PKHD1: variants seen among roughly 807,000 people sequenced by gnomAD.
The protein encoded by PKHD1 is fibrocystin.
A neutral mutation model predicts 412.0 loss-of-function variants in PKHD1; 291 were observed. The observed-to-expected ratio is 0.71, with a 90% CI of 0.64 to 0.78. The LOEUF (loss-of-function observed/expected upper bound fraction) is 0.78. Among genes scored for constraint, PKHD1 ranks in the 30% least tolerant of loss-of-function variants. PKHD1 has a pLI of 0.00. For synonymous variants in PKHD1, 1,777 were observed against 1,821.5 expected (o/e 0.98, Z 0.62); for missense variants, 4,825 against 4,950.7 (o/e 0.97, Z 0.76).
In PKHD1 at chr6:51,616,719, T is replaced by A. The variant is rs1279506493; in HGVS notation, c.*2362A>T. On this transcript the variant is annotated 3_prime_UTR_variant, in exon 67 of 67. Transcript: ENST00000371117. ...CTTTTCTGGGATGGAATTAGTAAGA[T>A]AATTATGGTTATTCCTACGCAGAGG... 2.5e-5 allele frequency: 10 copies of A among 398,276 alleles called. No homozygotes were observed. The highest frequency in any genetic ancestry group is 4.4e-5 in the Non-Finnish European group (10 of 225,956). The allele number at this position is 398,276 out of a possible 1,614,324, so 24.7% of individuals were successfully genotyped here. A position where few individuals can be genotyped will look rare whatever the true frequency, so the allele number is the denominator to read the frequency against.
chr6:51,854,953 G>A (rs6918817), intron 49 of PKHD1, among the ~76,000 whole-genome samples: 61,268 of 152,120 alleles, frequency 0.4, 13,539 homozygotes, highest in East Asian at 0.85. Flanking sequence ...AGCCAGTGCT[G>A]GTCGCCCCTC....
At chr6:51,779,984 G>A (rs1294601353) in intron 53 of PKHD1, among the ~76,000 whole-genome samples, 2 of 152,032 alleles carry the variant, frequency 1.3e-5, no homozygotes, top group Admixed American at 1.3e-4. Flanking sequence ...GAATTATACA[G>A]CATTTGTTTT....
chr6:51,925,459 G>GTGTGTGTGTA (rs1554140300), intron 37 of PKHD1, among the ~76,000 whole-genome samples: 1 of 136,364 alleles, frequency 7.3e-6, no homozygotes, highest in Non-Finnish European at 1.6e-5. Flanking sequence ...GTGTGTATGT[G>GTGTGTGTGTA]TGTGTGTGTG....
chr6:51,906,910 T>TA (rs1232684622), intron 40 of PKHD1, among the ~76,000 whole-genome samples: 1 of 152,078 alleles, frequency 6.6e-6, no homozygotes, highest in African/African-American at 2.4e-5. Flanking sequence ...TCTACTACGC[T>TA]AAAAAATTGA....
intron 34 of PKHD1, 45 bp downstream of exon 34, chr6:52,017,365 C>T (rs1271214479): frequency 7.3e-7 from 1 of 1,377,460 alleles, no homozygotes; most frequent in South Asian, 1.2e-5. Flanking sequence ...GGTCCATTGG[C>T]CAAGCATTTG....
intron 60 of PKHD1, among the ~76,000 whole-genome samples, chr6:51,691,207 G>A (rs1778115779): frequency 6.6e-6 from 1 of 152,166 alleles, no homozygotes; most frequent in East Asian, 1.9e-4. Context: ...TATTGTTGGT[G>A]GGAGTGTAAA....
chr6:52,074,679 G>A (rs1327921118), intron 6 of PKHD1, among the ~76,000 whole-genome samples: 1 of 152,206 alleles, frequency 6.6e-6, no homozygotes, highest in Non-Finnish European at 1.5e-5. Flanking sequence ...GGGATTCCAT[G>A]TCGTAGTGAA....
At chr6:51,847,749 A>G (rs1771465418) in intron 50 of PKHD1, 26 bp downstream of exon 50, 9 of 1,520,724 alleles carry the variant, frequency 5.9e-6, no homozygotes, top group Non-Finnish European at 8.2e-6. Flanking sequence ...TGTGCTCTCA[A>G]AACATTCATC....
chr6:51,919,876 T>G (rs1784423968), intron 37 of PKHD1, among the ~76,000 whole-genome samples: 2 of 152,244 alleles, frequency 1.3e-5, no homozygotes. Flanking sequence ...CCTAGGTATT[T>G]TATTCTCTTT....
chr6:51,798,769 T>G (rs555606290), intron 52 of PKHD1, among the ~76,000 whole-genome samples: 3 of 152,198 alleles, frequency 2.0e-5, no homozygotes, highest in Non-Finnish European at 4.4e-5. Flanking sequence ...TTATACAAAT[T>G]GGTTTATATC....
At chr6:51,897,934 T>C (rs1159694820) in intron 43 of PKHD1, among the ~76,000 whole-genome samples, 1 of 152,092 alleles carries the variant, frequency 6.6e-6, no homozygotes, top group Non-Finnish European at 1.5e-5. Context: ...TACATAATGG[T>C]AAACGGATCA....
rs141197594 is a variant in PKHD1, at chr6:51,938,598, G to A, written c.5909-4276C>T. 1.6e-4 allele frequency among the ~76,000 whole-genome samples: 24 copies of A among 147,498 alleles called. 1 individual carries two copies. Among genetic ancestry groups the A allele is most frequent in the East Asian group, 6.0e-4 (3 of 5,010 alleles). On this transcript the variant is annotated intron_variant, in intron 36 of 66. Coordinates refer to ENST00000371117, the MANE Select transcript of PKHD1 (RefSeq NM_138694.4). Reference sequence around the variant, plus strand: ...ATCTCCCTTCACTGACTCTCTTTTCGGACTCAGCCCACCTGCACCCAGGTG... The same window carrying A: ...ATCTCCCTTCACTGACTCTCTTTTCAGACTCAGCCCACCTGCACCCAGGTG...
intron 60 of PKHD1, among the ~76,000 whole-genome samples, chr6:51,707,211 A>G (rs1780114118): frequency 6.6e-6 from 1 of 152,146 alleles, no homozygotes; most frequent in African/African-American, 2.4e-5. Flanking sequence ...AAGAATGTTG[A>G]ACTAAAAATG....
chr6:51,903,878 T>A lies in PKHD1; in HGVS notation c.6865+108A>T, dbSNP rs1034520730. 2.7e-5 allele frequency: 16 copies of A among 591,532 alleles called. No homozygotes were observed. In the Admixed American group the frequency reaches 3.5e-4, roughly 13 times the overall value. 36.6% of individuals were successfully genotyped at this position (591,532 alleles called of 1,614,324 possible). On this transcript the variant is annotated intron_variant, in intron 42 of 66. Coordinates refer to ENST00000371117, the MANE Select transcript of PKHD1 (RefSeq NM_138694.4). ...ATATATATTTAGAAAATATTTAGTA[T>A]GCACAATAAACTTAAGAGACCTAAC...
intron 60 of PKHD1, among the ~76,000 whole-genome samples, chr6:51,681,322 T>C (rs964936303): frequency 6.6e-6 from 1 of 152,044 alleles, no homozygotes; most frequent in African/African-American, 2.4e-5. Flanking sequence ...CTCCAGCTCT[T>C]CAGACCAGAC....
intron 16 of PKHD1, among the ~76,000 whole-genome samples, chr6:52,057,264 CA>C (rs1299468456): frequency 6.6e-6 from 1 of 152,196 alleles, no homozygotes; most frequent in Non-Finnish European, 1.5e-5. Flanking sequence ...CAGCCCCTCT[CA>C]CCAATTGCTT....
intron 3 of PKHD1, 26 bp downstream of exon 3, chr6:52,083,152 G>A (rs762737844): frequency 2.1e-6 from 3 of 1,429,336 alleles, no homozygotes; most frequent in Non-Finnish European, 3.0e-6. Context: ...CATAAGAAAT[G>A]TGCACTTGGT....
chr6:52,032,488 T>C (rs1803212231), intron 29 of PKHD1, among the ~76,000 whole-genome samples: 1 of 152,226 alleles, frequency 6.6e-6, no homozygotes, highest in African/African-American at 2.4e-5. Context: ...TCTAAGTTAA[T>C]CAGAGCATCC....
intron 4 of PKHD1, among the ~76,000 whole-genome samples, chr6:52,082,115 A>G (rs1200023403): frequency 6.6e-6 from 1 of 152,104 alleles, no homozygotes; most frequent in Admixed American, 6.5e-5. Context: ...TAAAATCTTA[A>G]TAGCCATAGA....
Sources: allele counts gnomAD v4.1 joint callset (sites outside exome capture counted in the v4.1 genomes callset), GRCh38; gene constraint gnomAD v4.1.1; transcripts MANE v1.5; gene names NCBI Gene and HGNC (gene_info 2026-07-23, HGNC 2026-07-21).